Variants in UTP14C observed in about 807,000 individuals in gnomAD.
UTP14C encodes UTP14C small subunit processome component, also known as U3 small nucleolar RNA-associated protein 14 homolog C.
A neutral mutation model predicts 14.6 loss-of-function variants in UTP14C; 10 were observed. The ratio of observed to expected loss-of-function variants is 0.68; its 90% CI spans 0.42 to 1.16. UTP14C has a LOEUF of 1.16. Among genes scored for constraint, UTP14C ranks in the 50% most tolerant of loss-of-function variants. UTP14C has a pLI of 0.00. For missense variants in UTP14C, 818 were observed against 890.8 expected (o/e 0.92, Z 1.04); for synonymous variants, 315 against 331.6 (o/e 0.95, Z 0.54).
rs1326209343 is a variant in UTP14C, at chr13:52,031,712, G to A, written c.*607G>A. 6.0e-6 allele frequency: 1 copy of A among 167,260 alleles called. No homozygotes were observed. Among genetic ancestry groups the A allele is most frequent in the East Asian group, 1.9e-4 (1 of 5,200 alleles). 10.4% of individuals were successfully genotyped at this position (167,260 alleles called of 1,614,324 possible). ...GCATAATGCATTGTAAGATGGCAAG[G>A]TGGCATTTTGAAAGAGCGCTGGGCA... is the stretch of plus-strand genomic sequence containing the variant. On this transcript the variant is annotated 3_prime_UTR_variant, in exon 2 of 2. Coordinates refer to ENST00000521776, the MANE Select transcript of UTP14C (RefSeq NM_021645.6).
At chr13:52,027,171 CAA>C (rs1954249400) in intron 1 of UTP14C, among the ~76,000 whole-genome samples, 1 of 152,028 alleles carries the variant, frequency 6.6e-6, no homozygotes, top group Admixed American at 6.6e-5. Flanking sequence ...GAGCAAAAAT[CAA>C]AAGTCAAGCA....
intron 1 of UTP14C, among the ~76,000 whole-genome samples, chr13:52,027,153 C>T (rs1480178326): frequency 1.3e-5 from 2 of 152,130 alleles, no homozygotes; most frequent in African/African-American, 4.8e-5. Context: ...AAGCAAAAGT[C>T]AGACTATGAG....
chr13:52,025,128 A>G (rs553273778), intron 1 of UTP14C, among the ~76,000 whole-genome samples, 191 bp downstream of exon 1: 4 of 152,322 alleles, frequency 2.6e-5, no homozygotes, highest in African/African-American at 7.2e-5. Context: ...TTATTGACCA[A>G]TTCCTGTGTG....
chr13:52,028,239 T>C, intron 1 of UTP14C, 80 bp from the exon 2 acceptor site: 1 of 1,564,060 alleles, frequency 6.4e-7, no homozygotes, highest in South Asian at 1.1e-5. Flanking sequence ...TTAAATTTTT[T>C]GAAGATTTCT....
Position 52,031,145 on chromosome 13 carries a change from C to T in UTP14C, c.*40C>T. The T allele has an allele frequency of 6.4e-7, 1 of 1,567,350 alleles. No homozygotes were observed. ...GAAGTGACAGTCAGGGGCCCTGATT[C>T]CACTTCCTTTGGTCCAGTTTTACTC... On this transcript the variant is annotated 3_prime_UTR_variant, in exon 2 of 2. Transcript: ENST00000521776.
Position 52,028,294 on chromosome 13 carries a change from A to G in UTP14C, c.-486-25A>G, listed in dbSNP as rs758937654. 1.9e-6 allele frequency: 3 copies of G among 1,614,086 alleles called. No individual in the cohort carries two copies. The East Asian group carries it at 6.7e-5, about 36-fold the overall frequency. On this transcript the variant is annotated intron_variant, in intron 1 of 1. Coordinates refer to ENST00000521776, the MANE Select transcript of UTP14C (RefSeq NM_021645.6). The stretch of plus-strand genomic sequence containing the variant: ...AACACACTCAAAAACTTAAAAGATT[A>G]CATGATTTGTGTTTTTTTTCTCAGG...
In UTP14C at chr13:52,033,415, A is replaced by AGAT. The variant is rs1296796613; in HGVS notation, c.*2311_*2313dup. On this transcript the variant is annotated 3_prime_UTR_variant, in exon 2 of 2. Transcript: ENST00000521776. ...TTTAGACATGATTTATATCTAATAT[A>AGAT]GATACAAAGTCTGTGTCTAAATATT... The AGAT allele has an allele frequency of 6.0e-6, 1 of 167,116 alleles. No homozygotes were observed. Among genetic ancestry groups the AGAT allele is most frequent in the African/African-American group, 2.4e-5 (1 of 41,466 alleles). 10.4% of individuals were successfully genotyped at this position (167,116 alleles called of 1,614,324 possible).
At position 52,028,876 on chromosome 13, in the gene UTP14C, C is replaced by A; in HGVS notation, c.72C>A (p.Asn24Lys). 1 of 1,614,210 alleles carries A rather than the reference C, an allele frequency of 6.2e-7. No homozygotes were observed. The highest frequency in any genetic ancestry group is 8.5e-7 in the Non-Finnish European group (1 of 1,180,036). ...AAGAACTAGTGGATTTGCCAAAAAA[C>A]TACCCCTTGAGTGAAAATGAAGATG... ...HQEELVDLPK[N>K]YPLSENEDEG... Residue 24 changes from asparagine (N) to lysine (K), a missense_variant, in exon 2 of 2, where the codon AAC (asparagine) becomes AAA (lysine). Asn to Lys is a moderately conservative substitution (Grantham distance 94, BLOSUM62 0). Coordinates refer to ENST00000521776, the MANE Select transcript of UTP14C (RefSeq NM_021645.6).
At position 52,030,822 on chromosome 13, in the gene UTP14C, A is replaced by G. The variant is rs770403618; in HGVS notation, c.2018A>G (p.Asn673Ser). ...LPNVIISEKR[N>S]IHAAAHQVQV... Reference sequence around the variant, plus strand: ...AATGTGATTATCAGTGAGAAGCGCAACATCCACGCAGCAGCTCATCAGGTA... The same window carrying G: ...AATGTGATTATCAGTGAGAAGCGCAGCATCCACGCAGCAGCTCATCAGGTA... Residue 673 changes from asparagine (N) to serine (S), a missense_variant, in exon 2 of 2, where the codon AAC becomes AGC. By Grantham distance (46) the Asn-to-Ser change is conservative (BLOSUM62 1). Coordinates refer to ENST00000521776, the MANE Select transcript of UTP14C (RefSeq NM_021645.6). 19 of 1,614,096 alleles carry G rather than the reference A, an allele frequency of 1.2e-5. No individual in the cohort carries two copies. In the Admixed American group the frequency reaches 2.8e-4, roughly 24 times the overall value.
intron 1 of UTP14C, among the ~76,000 whole-genome samples, chr13:52,026,289 G>A (rs909691057): frequency 8.5e-5 from 13 of 152,216 alleles, no homozygotes; most frequent in African/African-American, 3.1e-4. Flanking sequence ...TGTGACAGGA[G>A]TGACAACAGA....
rs769763630 is a variant in UTP14C, at chr13:52,028,487, A to G, written c.-318A>G. 8.7e-6 allele frequency: 14 copies of G among 1,614,120 alleles called. No homozygotes were observed. The highest frequency in any genetic ancestry group is 1.2e-5 in the Non-Finnish European group (14 of 1,180,052). On this transcript the variant is annotated 5_prime_UTR_variant, in exon 2 of 2. Coordinates refer to ENST00000521776, the MANE Select transcript of UTP14C (RefSeq NM_021645.6). The stretch of plus-strand genomic sequence containing the variant: ...CACATTCTTTCCATGTCTGCAGAAA[A>G]GAGACTCCAAATCAGAAAAAGTGCT...
Position 52,032,775 on chromosome 13 carries a change from A to G in UTP14C, c.*1670A>G, listed in dbSNP as rs1180921964. On this transcript the variant is annotated 3_prime_UTR_variant, in exon 2 of 2. Transcript: ENST00000521776. ...AATTGGAGTGAAAGGAACCCTACAG[A>G]TTAGCCCAGTTCTCTCTTATTTTCA... The G allele has an allele frequency of 6.0e-6, 1 of 167,096 alleles. No homozygotes were observed. The highest frequency in any genetic ancestry group is 2.4e-5 in the African/African-American group (1 of 41,460). 10.4% of individuals were successfully genotyped at this position (167,096 alleles called of 1,614,324 possible).
intron 1 of UTP14C, among the ~76,000 whole-genome samples, chr13:52,026,621 G>A (rs1042737451): frequency 6.6e-6 from 1 of 152,130 alleles, no homozygotes; most frequent in African/African-American, 2.4e-5. Flanking sequence ...AATGAGGGAG[G>A]AAGAGAAGAC....
chr13:52,030,508 T>G lies in UTP14C; in HGVS notation c.1704T>G (p.Pro568=). ...AGAACTTCCTGACCACACAGTCTCC[T>G]TCCGTGAGGTCTTTGGCAGTTCCCA... The part of the protein sequence containing the change: ...NLQNFLTTQS[P]SVRSLAVPTI... Residue 568 remains proline (P), a synonymous_variant, in exon 2 of 2, where the codon CCT becomes CCG. Coordinates refer to ENST00000521776, the MANE Select transcript of UTP14C (RefSeq NM_021645.6). 1 of 1,614,204 alleles carries G rather than the reference T, an allele frequency of 6.2e-7. No homozygotes were observed. Among genetic ancestry groups the G allele is most frequent in the Non-Finnish European group, 8.5e-7 (1 of 1,180,040 alleles).
rs560546661 is a variant in UTP14C at position 52,027,666 on chromosome 13, T to C, written c.-486-653T>C. On this transcript the variant is annotated intron_variant, in intron 1 of 1. Coordinates refer to ENST00000521776, the MANE Select transcript of UTP14C (RefSeq NM_021645.6). The stretch of plus-strand genomic sequence containing the variant: ...ATTTGGCAGAAACTAACCACAACTT[T>C]CATTTAGTTCAGCACTGTTGTTGGG... Among the ~76,000 whole-genome samples the C allele has an allele frequency of 4.3e-4, 65 of 152,314 alleles. 1 individual carries two copies. The South Asian group carries it at 0.013, about 31-fold the overall frequency.
chr13:52,028,737 G>A lies in UTP14C; in HGVS notation c.-68G>A. On this transcript the variant is annotated 5_prime_UTR_variant, in exon 2 of 2. Coordinates refer to ENST00000521776, the MANE Select transcript of UTP14C (RefSeq NM_021645.6). ...TCCTTTTAGAATAAAAGGAAGTGTTGAAAAGAAAATGGATGACTAGCCTTC... is the reference window on the plus strand; with the variant it reads ...TCCTTTTAGAATAAAAGGAAGTGTTAAAAAGAAAATGGATGACTAGCCTTC... 1.2e-6 allele frequency: 2 copies of A among 1,608,888 alleles called. No individual in the cohort carries two copies. The highest frequency in any genetic ancestry group is 8.5e-7 in the Non-Finnish European group (1 of 1,176,370).
chr13:52,028,411 A>ATAAC lies in UTP14C; in HGVS notation c.-392_-389dup, dbSNP rs1395594314. 6.2e-7 allele frequency: 1 copy of ATAAC among 1,614,108 alleles called. No individual in the cohort carries two copies. The highest frequency in any genetic ancestry group is 1.3e-5 in the African/African-American group (1 of 74,944). On this transcript the variant is annotated 5_prime_UTR_variant, in exon 2 of 2. It introduces an in-frame stop codon into an upstream open reading frame of the 5' UTR. Coordinates refer to ENST00000521776, the MANE Select transcript of UTP14C (RefSeq NM_021645.6). ...CATTGTGGTTCCTCACGAAGGAGAT[A>ATAAC]TAACTGGCTTTCTGGCTGAGAGTGA...
chr13:52,026,166 C>T (rs183224069), intron 1 of UTP14C, among the ~76,000 whole-genome samples: 6 of 152,312 alleles, frequency 3.9e-5, no homozygotes, highest in East Asian at 3.9e-4. Context: ...CTAACACAGA[C>T]TTGTGCGGGC....
chr13:52,031,124 T>G lies in UTP14C; in HGVS notation c.*19T>G, dbSNP rs1432323771. Reference sequence around the variant, plus strand: ...ACTGTAGGTTGTGTAGCTGGAGAAGTGACAGTCAGGGGCCCTGATTCCACT... The same window carrying G: ...ACTGTAGGTTGTGTAGCTGGAGAAGGGACAGTCAGGGGCCCTGATTCCACT... On this transcript the variant is annotated 3_prime_UTR_variant, in exon 2 of 2. Coordinates refer to ENST00000521776, the MANE Select transcript of UTP14C (RefSeq NM_021645.6). 1 of 1,590,310 alleles carries G rather than the reference T, an allele frequency of 6.3e-7. No homozygotes were observed.
Sources: gnomAD v4.1 joint callset for allele counts (sites outside exome capture counted in the v4.1 genomes callset) on GRCh38, gnomAD v4.1.1 for gene constraint, MANE v1.5 for transcripts, NCBI Gene and HGNC (gene_info 2026-07-23, HGNC 2026-07-21) for gene names.